Variants in CCDC83 observed in about 807,000 individuals in gnomAD.
CCDC83 encodes coiled-coil domain containing 83.
A neutral mutation model predicts 50.1 loss-of-function variants in CCDC83; 54 were observed. The observed-to-expected ratio is 1.08, with a 90% confidence interval of 0.87 to 1.35. The LOEUF (loss-of-function observed/expected upper bound fraction) is 1.35, where lower values mean the gene tolerates loss of function less well. CCDC83 is among the 40% of genes most tolerant of loss of function. The pLI, the probability that CCDC83 is intolerant of heterozygous loss-of-function variation, is 0.00. For missense variants in CCDC83, 518 were observed against 473.9 expected (o/e 1.09, Z -0.86); for synonymous variants, 161 against 153.3 (o/e 1.05, Z -0.37).
At chr11:85,890,734 T>C (rs1227449152) in intron 5 of CCDC83, among the ~76,000 whole-genome samples, 1 of 152,182 alleles carries the variant, frequency 6.6e-6, no homozygotes. Flanking sequence ...AGAGGAATCA[T>C]GGAAGCTCAA....
chr11:85,910,959 G>A (rs1271183106), intron 7 of CCDC83, among the ~76,000 whole-genome samples: 2 of 152,018 alleles, frequency 1.3e-5, no homozygotes, highest in Non-Finnish European at 2.9e-5. Context: ...ATCACCTGAG[G>A]TCAGGAGTTT....
chr11:85,861,533 A>G (rs1393777391), intron 1 of CCDC83, among the ~76,000 whole-genome samples: 1 of 152,224 alleles, frequency 6.6e-6, no homozygotes, highest in African/African-American at 2.4e-5. Flanking sequence ...AATGCTGTTA[A>G]GTAAATATCT....
chr11:85,890,165 G>A (rs1036732023), intron 5 of CCDC83, among the ~76,000 whole-genome samples: 11 of 152,184 alleles, frequency 7.2e-5, no homozygotes, highest in Admixed American at 5.9e-4. Context: ...TGCAGTCTGG[G>A]CATTCAGGTC....
chr11:85,916,363 C>T, intron 10 of CCDC83, 130 bp downstream of exon 10: 1 of 730,076 alleles, frequency 1.4e-6, no homozygotes, highest in Non-Finnish European at 2.4e-6. Context: ...TAAAATTGGC[C>T]CACCATTCAC....
chr11:85,917,153 AGAGAGAGAGAGAG>A (rs1565159846), intron 10 of CCDC83, among the ~76,000 whole-genome samples: 1 of 99,316 alleles, frequency 1.0e-5, no homozygotes, highest in Non-Finnish European at 2.1e-5. Context: ...AGAGAGAGAG[AGAGAGAGAGAGAG>A]AGAAAGAAAG....
At chr11:85,885,359 GC>G (rs1433872719) in intron 4 of CCDC83, among the ~76,000 whole-genome samples, 1 of 152,138 alleles carries the variant, frequency 6.6e-6, no homozygotes, top group African/African-American at 2.4e-5. Flanking sequence ...CCAACTAATT[GC>G]CAGGCTCTGT....
intron 4 of CCDC83, among the ~76,000 whole-genome samples, chr11:85,885,008 C>A (rs1375640443): frequency 6.6e-6 from 1 of 152,028 alleles, no homozygotes; most frequent in African/African-American, 2.4e-5. Flanking sequence ...GTCAGGAGTT[C>A]GAGACCAGCC....
At chr11:85,905,973 A>G (rs1378838969) in intron 7 of CCDC83, among the ~76,000 whole-genome samples, 1 of 151,214 alleles carries the variant, frequency 6.6e-6, no homozygotes, top group African/African-American at 2.4e-5. Context: ...CCGTCTCAAA[A>G]AAAAAAAAAA....
Position 85,916,175 on chromosome 11 carries a change from C to T in CCDC83, c.1022C>T (p.Thr341Ile). 2 of 1,613,342 alleles carry T rather than the reference C, an allele frequency of 1.2e-6. No individual in the cohort carries two copies. The highest frequency in any genetic ancestry group is 1.7e-6 in the Non-Finnish European group (2 of 1,179,566). The change falls in exon 10 of 11, where the codon ACA (threonine) becomes ATA (isoleucine). Residue 341 changes from threonine (T) to isoleucine (I), a missense_variant. Physicochemically the swap from Thr to Ile is moderately conservative, Grantham distance 89. Coordinates refer to ENST00000342404, the MANE Select transcript of CCDC83 (RefSeq NM_001286159.2). ...ATAGATAAAGAGGAAAACTCAGGCA[C>T]AGAGTTTGGGGACACTGATATGAAG... ...VKIDKEENSG[T>I]EFGDTDMKYL...
chr11:85,908,600 TAGATAGATAGAC>T lies in CCDC83; in HGVS notation c.673-2673_673-2662del, dbSNP rs879415895. On this transcript the variant is annotated intron_variant, in intron 7 of 10. Coordinates refer to ENST00000342404, the MANE Select transcript of CCDC83 (RefSeq NM_001286159.2). ...ATAGATAGATAGATAGATAGATAGA[TAGATAGATAGAC>T]AGATAGAATTCATGGCCGGGTGGCT... is the stretch of plus-strand genomic sequence containing the variant. 6.8e-3 allele frequency among the ~76,000 whole-genome samples: 890 copies of T among 131,346 alleles called. 5 individuals are homozygous for T. Among genetic ancestry groups the T allele is most frequent in the South Asian group, 0.011 (43 of 4,094 alleles). The allele number at this position is 131,346 out of a possible 152,430, so 86.2% of individuals were successfully genotyped here. A position where few individuals can be genotyped will look rare whatever the true frequency, so the allele number is the denominator to read the frequency against.
chr11:85,864,210 C>G (rs1592136352), intron 1 of CCDC83, among the ~76,000 whole-genome samples: 1 of 152,274 alleles, frequency 6.6e-6, no homozygotes, highest in East Asian at 1.9e-4. Flanking sequence ...TTATCCTCAC[C>G]CTCATGAGAG....
In CCDC83 at chr11:85,906,887, A is replaced by AAAATT. The variant is rs559473279; in HGVS notation, c.673-4364_673-4360dup. ...GTGACAGAATGAGATCCTGTCTCAA[A>AAAATT]AAATTAAATTAAATTAAATTAAATT... On this transcript the variant is annotated intron_variant, in intron 7 of 10. Coordinates refer to ENST00000342404, the MANE Select transcript of CCDC83 (RefSeq NM_001286159.2). Among the ~76,000 whole-genome samples, 1,238 of 147,696 alleles carry AAAATT rather than the reference A, an allele frequency of 8.4e-3. 32 individuals are homozygous for AAAATT. Among genetic ancestry groups the AAAATT allele is most frequent in the African/African-American group, 0.025 (974 of 38,992 alleles).
At chr11:85,897,120 A>G (rs1467933130) in intron 6 of CCDC83, among the ~76,000 whole-genome samples, 2 of 152,374 alleles carry the variant, frequency 1.3e-5, no homozygotes, top group South Asian at 2.1e-4. Context: ...GACCATAGTT[A>G]GACGATTCAA....
chr11:85,899,090 C>A, intron 7 of CCDC83, 75 bp downstream of exon 7: 1 of 1,114,948 alleles, frequency 9.0e-7, no homozygotes, highest in Non-Finnish European at 1.4e-6. Context: ...TAATTATGAA[C>A]TGAAGTCATG....
intron 7 of CCDC83, among the ~76,000 whole-genome samples, chr11:85,905,543 G>A (rs1396552453): frequency 2.6e-5 from 4 of 151,652 alleles, no homozygotes; most frequent in African/African-American, 4.9e-5. Flanking sequence ...CCGGGAGGTG[G>A]AGGTTGCAGT....
In CCDC83 at chr11:85,860,098, C is replaced by G. The variant is rs561264868; in HGVS notation, c.-29+4514C>G. On this transcript the variant is annotated intron_variant, in intron 1 of 10. Coordinates refer to ENST00000342404, the MANE Select transcript of CCDC83 (RefSeq NM_001286159.2). ...GGTCAGGAGATCGAGATAGTCCTGG[C>G]TAACACGGTGAAACCCCGACTCTAC... 3.3e-5 allele frequency among the ~76,000 whole-genome samples: 5 copies of G among 151,988 alleles called. No individual in the cohort carries two copies. The South Asian group carries it at 1.0e-3, about 32-fold the overall frequency.
rs1371982275 is a variant in CCDC83, at chr11:85,882,499, G to T, written c.181-14G>T. ...AGTTGATCAAACGTGAATTACTGTT[G>T]ATTTTCATGACAGAATAGCCGCTTA... On this transcript the variant is annotated splice_polypyrimidine_tract_variant and intron_variant, in intron 3 of 10. Coordinates refer to ENST00000342404, the MANE Select transcript of CCDC83 (RefSeq NM_001286159.2). The T allele has an allele frequency of 1.2e-6, 2 of 1,611,866 alleles. No individual in the cohort carries two copies. The highest frequency in any genetic ancestry group is 1.7e-6 in the Non-Finnish European group (2 of 1,178,894).
At chr11:85,898,839 T>C in intron 6 of CCDC83, 108 bp from the exon 7 acceptor site, 3 of 785,200 alleles carry the variant, frequency 3.8e-6, no homozygotes, top group South Asian at 1.5e-5. Context: ...CCTAAAGTAA[T>C]TGCAGACACA....
At chr11:85,876,436 T>C (rs1004099033) in intron 3 of CCDC83, among the ~76,000 whole-genome samples, 5 of 152,172 alleles carry the variant, frequency 3.3e-5, no homozygotes, top group Middle Eastern at 3.2e-3. Context: ...TGTGGAATCT[T>C]ATCACTGGGG....
Sources: gnomAD v4.1 joint callset for allele counts (sites outside exome capture counted in the v4.1 genomes callset) on GRCh38, gnomAD v4.1.1 for gene constraint, MANE v1.5 for transcripts, NCBI Gene and HGNC (gene_info 2026-07-23, HGNC 2026-07-21) for gene names.